Variants in TRPC6 observed in about 807,000 individuals in gnomAD.
TRPC6 encodes short transient receptor potential channel 6.
In TRPC6, 55 loss-of-function variants were observed where a neutral mutation model predicts 90.7. The ratio of observed to expected loss-of-function variants is 0.61; its 90% CI spans 0.49 to 0.76. The LOEUF is 0.76. Ranked by LOEUF, TRPC6 falls within the 30% of genes least tolerant of loss-of-function variation. The pLI is 0.00. For synonymous variants in TRPC6, 393 were observed against 393.0 expected, an observed-to-expected ratio of 1.00 and a Z score of 0.00; for missense variants, 989 against 1,122.7, an observed-to-expected ratio of 0.88 and a Z score of 1.70.
rs561669256 is a variant in TRPC6 at position 101,463,652 on chromosome 11, A to G, written c.2484+5775T>C. On this transcript the variant is annotated intron_variant, in intron 10 of 12. Transcript: ENST00000344327. The stretch of plus-strand genomic sequence containing the variant: ...TTGTATTTCTGTGGGATCAGTGGTG[A>G]TATCCCCTATATCATTTTTTATTGC... 4.6e-5 allele frequency among the ~76,000 whole-genome samples: 7 copies of G among 152,174 alleles called. No individual in the cohort carries two copies. The East Asian group carries it at 9.7e-4, about 21-fold the overall frequency.
chr11:101,526,521 G>A (rs546659742), intron 1 of TRPC6, among the ~76,000 whole-genome samples: 12 of 152,168 alleles, frequency 7.9e-5, no homozygotes, highest in African/African-American at 2.7e-4. Flanking sequence ...CTTTATTTGT[G>A]TATATAAATC....
chr11:101,460,851 A>G (rs898393557), intron 10 of TRPC6, among the ~76,000 whole-genome samples: 7 of 152,194 alleles, frequency 4.6e-5, no homozygotes, highest in Non-Finnish European at 7.3e-5. Flanking sequence ...AAGGGTTGCT[A>G]TGAATATTTA....
intron 11 of TRPC6, among the ~76,000 whole-genome samples, chr11:101,454,306 A>C (rs750387491): frequency 1.3e-5 from 2 of 152,124 alleles, no homozygotes; most frequent in Non-Finnish European, 2.9e-5. Flanking sequence ...TATAGAACTA[A>C]ATAAAATTTT....
At chr11:101,544,257 T>C (rs573909466) in intron 1 of TRPC6, among the ~76,000 whole-genome samples, 9 of 152,234 alleles carry the variant, frequency 5.9e-5, no homozygotes, top group South Asian at 2.1e-4. Context: ...TATGGAGAAA[T>C]AGGAACCCTC....
At position 101,497,782 on chromosome 11, in the gene TRPC6, C is replaced by CTGCACCTG. The variant is rs532752110; in HGVS notation, c.946-6052_946-6045dup. Among the ~76,000 whole-genome samples the CTGCACCTG allele has an allele frequency of 1.2e-3, 184 of 152,134 alleles. 2 individuals carry two copies. The highest frequency in any genetic ancestry group is 8.3e-3 in the South Asian group (40 of 4,820). Reference sequence around the variant, plus strand: ...GGTATACATGTGCTATGGTGGTTTGCTGCACCTGTCCACCTGTCATCTAGG... The same window carrying CTGCACCTG: ...GGTATACATGTGCTATGGTGGTTTGCTGCACCTGTGCACCTGTCCACCTGTCATCTAGG... On this transcript the variant is annotated intron_variant, in intron 2 of 12. Coordinates refer to ENST00000344327, the MANE Select transcript of TRPC6 (RefSeq NM_004621.6).
intron 1 of TRPC6, among the ~76,000 whole-genome samples, chr11:101,570,599 T>C (rs879068230): frequency 1.3e-5 from 2 of 152,310 alleles, no homozygotes; most frequent in Admixed American, 6.5e-5. Context: ...ATATCTCTGA[T>C]GAACATTGAT....
intron 1 of TRPC6, 31 bp downstream of exon 1, chr11:101,583,303 G>A: frequency 6.4e-7 from 1 of 1,554,326 alleles, no homozygotes; most frequent in Non-Finnish European, 8.7e-7. Context: ...CGCAGCCCGC[G>A]CCCGATCCGC....
At chr11:101,573,727 A>G (rs1293637550) in intron 1 of TRPC6, among the ~76,000 whole-genome samples, 1 of 152,090 alleles carries the variant, frequency 6.6e-6, no homozygotes, top group East Asian at 1.9e-4. Flanking sequence ...TCTACATACA[A>G]CATGTCTTAT....
chr11:101,492,789 G>C (rs888310894), intron 2 of TRPC6, among the ~76,000 whole-genome samples: 2 of 152,150 alleles, frequency 1.3e-5, no homozygotes, highest in African/African-American at 4.8e-5. Flanking sequence ...AGAACATTTG[G>C]AAAGTTTCCA....
intron 1 of TRPC6, among the ~76,000 whole-genome samples, chr11:101,545,843 G>C (rs1212443595): frequency 6.6e-6 from 1 of 151,962 alleles, no homozygotes; most frequent in African/African-American, 2.4e-5. Flanking sequence ...CTAAACATAG[G>C]AATCAATTTT....
chr11:101,509,335 G>C (rs1192370262), intron 1 of TRPC6, among the ~76,000 whole-genome samples: 1 of 151,814 alleles, frequency 6.6e-6, no homozygotes, highest in African/African-American at 2.4e-5. Flanking sequence ...GTGGGCTCAA[G>C]TATCCTCCCA....
At chr11:101,559,541 A>T (rs1861664554) in intron 1 of TRPC6, among the ~76,000 whole-genome samples, 4 of 152,220 alleles carry the variant, frequency 2.6e-5, no homozygotes, top group Admixed American at 2.6e-4. Flanking sequence ...GGGAGCTAAG[A>T]TAATTTATTG....
At chr11:101,571,774 A>C (rs1259715602) in intron 1 of TRPC6, among the ~76,000 whole-genome samples, 4 of 152,228 alleles carry the variant, frequency 2.6e-5, no homozygotes, top group Non-Finnish European at 4.4e-5. Context: ...TGGGGAAAGG[A>C]TTCCCTATTT....
intron 1 of TRPC6, among the ~76,000 whole-genome samples, chr11:101,581,873 G>C (rs1168790109): frequency 6.6e-6 from 1 of 152,128 alleles, no homozygotes; most frequent in Non-Finnish European, 1.5e-5. Flanking sequence ...ATTCTAACAA[G>C]ATTTCCACAT....
chr11:101,474,163 A>G (rs1270015123), intron 6 of TRPC6, among the ~76,000 whole-genome samples: 1 of 152,226 alleles, frequency 6.6e-6, no homozygotes, highest in Non-Finnish European at 1.5e-5. Flanking sequence ...CTTCGTGAGA[A>G]TTCAGTAAGT....
intron 1 of TRPC6, among the ~76,000 whole-genome samples, chr11:101,527,889 T>A (rs1229849985): frequency 6.6e-6 from 1 of 151,976 alleles, no homozygotes; most frequent in East Asian, 1.9e-4. Context: ...CTGGCCAACA[T>A]GGTGTAACCC....
intron 2 of TRPC6, 100 bp from the exon 3 acceptor site, chr11:101,491,838 T>G (rs1859827229): frequency 1.4e-3 from 346 of 242,434 alleles, no homozygotes; most frequent in Non-Finnish European, 1.7e-3. Context: ...GAAACATTCT[T>G]TTTTTTTTTT....
At chr11:101,475,662 CATTACCTTCTACTTCTTTGAGTTTG>C (rs1370798453) in intron 6 of TRPC6, among the ~76,000 whole-genome samples, 1 of 145,080 alleles carries the variant, frequency 6.9e-6, no homozygotes, top group Non-Finnish European at 1.5e-5. Context: ...TGACAACCAC[CATTACCTTCTACTTCTTTGAGTTTG>C]ACTTTTTTTA....
chr11:101,566,269 T>C (rs575444788), intron 1 of TRPC6, among the ~76,000 whole-genome samples: 14 of 152,340 alleles, frequency 9.2e-5, no homozygotes, highest in African/African-American at 3.4e-4. Context: ...TACTTACCCA[T>C]TCTTTTCTAA....
Sources: gnomAD v4.1 joint callset for allele counts (sites outside exome capture counted in the v4.1 genomes callset) on GRCh38, gnomAD v4.1.1 for gene constraint, MANE v1.5 for transcripts, NCBI Gene and HGNC (gene_info 2026-07-23, HGNC 2026-07-21) for gene names.